BFAR: variants seen among roughly 807,000 people sequenced by gnomAD.
The protein encoded by BFAR is RING finger protein 47.
A neutral mutation model predicts 54.4 loss-of-function variants in BFAR; 52 were observed. The ratio of observed to expected loss-of-function variants is 0.96; its 90% CI spans 0.77 to 1.21. The LOEUF (loss-of-function observed/expected upper bound fraction) is 1.21, where lower values mean the gene tolerates loss of function less well. Ranked by LOEUF, BFAR falls within the 50% of genes most tolerant of loss-of-function variation. The pLI is 0.00. For synonymous variants in BFAR, 215 were observed against 204.3 expected (o/e 1.05, Z -0.45); for missense variants, 571 against 534.0 (o/e 1.07, Z -0.68).
intron 1 of BFAR, among the ~76,000 whole-genome samples, chr16:14,639,783 C>G (rs1461569038): frequency 6.6e-6 from 1 of 152,086 alleles, no homozygotes; most frequent in African/African-American, 2.4e-5. Context: ...TGGAATTGTC[C>G]AGATCCTCAG....
At chr16:14,646,396 C>G (rs1344996111) in intron 2 of BFAR, among the ~76,000 whole-genome samples, 2 of 151,592 alleles carry the variant, frequency 1.3e-5, no homozygotes, top group Non-Finnish European at 2.9e-5. Flanking sequence ...CAGTTTTGGC[C>G]AGGCTGGTCT....
In BFAR at chr16:14,655,183, G is replaced by C. The variant is rs1423717353; in HGVS notation, c.756G>C (p.Lys252Asn). Residue 252 changes from lysine (K) to asparagine (N), a missense_variant, in exon 5 of 8, where the codon AAG becomes AAC. Coordinates refer to ENST00000261658, the MANE Select transcript of BFAR (RefSeq NM_016561.3). ...AACGTGTCAAAGCATTAGGCGTGAA[G>C]CCCCCCCAGAATCTCTGGGAATATA... ...ELERVKALGVKPPQNLWEYKA... is the reference protein window; with the variant it reads ...ELERVKALGVNPPQNLWEYKA... 2 of 1,552,918 alleles carry C rather than the reference G, an allele frequency of 1.3e-6. No individual in the cohort carries two copies. The highest frequency in any genetic ancestry group is 1.7e-6 in the Non-Finnish European group (2 of 1,152,426).
At chr16:14,666,923 A>G (rs1377012174) in intron 7 of BFAR, among the ~76,000 whole-genome samples, 5 of 152,138 alleles carry the variant, frequency 3.3e-5, no homozygotes, top group Non-Finnish European at 7.3e-5. Context: ...TACGTTAAAA[A>G]ATAGATGGTC....
chr16:14,644,207 T>G (rs1959714961), intron 1 of BFAR, 67 bp from the exon 2 acceptor site: 1 of 885,080 alleles, frequency 1.1e-6, no homozygotes, highest in Admixed American at 2.5e-5. Context: ...ATGTCAATAC[T>G]TTTATATTAA....
rs116331570 is a variant in BFAR at position 14,656,231 on chromosome 16, A to G, written c.783+1021A>G. Among the ~76,000 whole-genome samples, 484 of 152,188 alleles carry G rather than the reference A, an allele frequency of 3.2e-3. 5 individuals carry two copies. Among genetic ancestry groups the G allele is most frequent in the African/African-American group, 0.011 (463 of 41,548 alleles). ...AAAAAAGCAAAGAACAGAAACAAAA[A>G]GAGTAACGCTGTGGGCTGGGCATGG... On this transcript the variant is annotated intron_variant, in intron 5 of 7. Coordinates refer to ENST00000261658, the MANE Select transcript of BFAR (RefSeq NM_016561.3).
intron 5 of BFAR, among the ~76,000 whole-genome samples, chr16:14,660,553 G>C (rs1259704247): frequency 6.8e-6 from 1 of 146,670 alleles, no homozygotes; most frequent in Non-Finnish European, 1.5e-5. Context: ...CCAAAGTGCT[G>C]GGATTACAGG....
intron 7 of BFAR, among the ~76,000 whole-genome samples, chr16:14,666,442 G>T (rs1176853378): frequency 1.3e-5 from 2 of 152,020 alleles, no homozygotes; most frequent in East Asian, 3.9e-4. Context: ...GTGGCGGTGG[G>T]TGCCTGTAAT....
chr16:14,635,338 G>A (rs988505242), intron 1 of BFAR, among the ~76,000 whole-genome samples: 2 of 152,070 alleles, frequency 1.3e-5, no homozygotes, highest in African/African-American at 4.8e-5. Flanking sequence ...CAGTCTCAAA[G>A]ACATAAAAGA....
At chr16:14,651,817 GA>G (rs1049270327) in intron 4 of BFAR, among the ~76,000 whole-genome samples, 5 of 151,422 alleles carry the variant, frequency 3.3e-5, no homozygotes, top group African/African-American at 1.2e-4. Flanking sequence ...AGAAAGGTAG[GA>G]AAAGATTAGA....
intron 1 of BFAR, among the ~76,000 whole-genome samples, chr16:14,638,860 GC>G (rs1959534221): frequency 6.6e-6 from 1 of 151,924 alleles, no homozygotes; most frequent in Non-Finnish European, 1.5e-5. Context: ...CATGAGAATT[GC>G]TTGAATCCAG....
intron 1 of BFAR, among the ~76,000 whole-genome samples, chr16:14,638,930 G>T (rs146263525): frequency 2.1e-3 from 322 of 150,956 alleles, no homozygotes; most frequent in African/African-American, 7.5e-3. Context: ...GGGCAACAGA[G>T]TAAGACTTGT....
chr16:14,637,386 CG>C (rs1245303335), intron 1 of BFAR, among the ~76,000 whole-genome samples: 3 of 151,838 alleles, frequency 2.0e-5, no homozygotes, highest in African/African-American at 7.3e-5. Flanking sequence ...TTGGTGTTTC[CG>C]CCTGGTTTCC....
chr16:14,667,356 A>G, intron 7 of BFAR: 1 of 431,852 alleles, frequency 2.3e-6, no homozygotes, highest in Non-Finnish European at 4.1e-6. Flanking sequence ...GGAAAAAAAA[A>G]TATGTAAATG....
intron 4 of BFAR, among the ~76,000 whole-genome samples, chr16:14,654,166 G>A (rs1005775828): frequency 4.0e-5 from 6 of 151,062 alleles, no homozygotes; most frequent in South Asian, 2.1e-4. Flanking sequence ...CGCCTGCCAC[G>A]ACACCTGGCT....
chr16:14,642,632 G>T (rs1959663644), intron 1 of BFAR, among the ~76,000 whole-genome samples: 2 of 152,114 alleles, frequency 1.3e-5, no homozygotes, highest in Non-Finnish European at 2.9e-5. Flanking sequence ...GAGGGAAAGG[G>T]TATATTGAGC....
chr16:14,641,017 A>G (rs1020651907), intron 1 of BFAR, among the ~76,000 whole-genome samples: 3 of 152,180 alleles, frequency 2.0e-5, no homozygotes, highest in African/African-American at 7.2e-5. Context: ...TTCAGTTCTA[A>G]GGTGTTCAGT....
chr16:14,652,344 G>T (rs376844052), intron 4 of BFAR, among the ~76,000 whole-genome samples: 1 of 151,278 alleles, frequency 6.6e-6, no homozygotes, highest in East Asian at 1.9e-4. Context: ...CAGTGGCAGC[G>T]ATCTCAGCTC....
rs564091557 is a variant in BFAR, at chr16:14,648,045, G to A, written c.264-343G>A. Among the ~76,000 whole-genome samples the A allele has an allele frequency of 5.9e-5, 9 of 152,180 alleles. No homozygotes were observed. In the South Asian group the frequency reaches 1.9e-3, roughly 32 times the overall value. On this transcript the variant is annotated intron_variant, in intron 2 of 7. Coordinates refer to ENST00000261658, the MANE Select transcript of BFAR (RefSeq NM_016561.3). The stretch of plus-strand genomic sequence containing the variant: ...GCCTGAGCTCAGGAGTTCAATACCA[G>A]CCTGGGCAACATAGTGAAACCCTAT...
At chr16:14,652,081 T>C (rs1959985465) in intron 4 of BFAR, among the ~76,000 whole-genome samples, 1 of 151,494 alleles carries the variant, frequency 6.6e-6, no homozygotes, top group Admixed American at 6.6e-5. Flanking sequence ...GAGATGGGGT[T>C]TTACCATGTT....
Sources: allele counts gnomAD v4.1 joint callset (sites outside exome capture counted in the v4.1 genomes callset), GRCh38; gene constraint gnomAD v4.1.1; transcripts MANE v1.5; gene names NCBI Gene and HGNC (gene_info 2026-07-23, HGNC 2026-07-21).